Variants in OGDHL observed in about 807,000 individuals in gnomAD.
The protein encoded by OGDHL is oxoglutarate dehydrogenase L, also known as 2-oxoglutarate dehydrogenase-like, mitochondrial.
A neutral mutation model predicts 109.6 loss-of-function variants in OGDHL; 79 were observed. The observed-to-expected ratio is 0.72, with a 90% CI of 0.60 to 0.87. The LOEUF is 0.87. Ranked by LOEUF, OGDHL falls within the 40% of genes least tolerant of loss-of-function variation. OGDHL has a pLI of 0.00. For synonymous variants in OGDHL, 528 were observed against 537.2 expected, an observed-to-expected ratio of 0.98 and a Z score of 0.24; for missense variants, 1,275 against 1,362.2, an observed-to-expected ratio of 0.94 and a Z score of 1.01.
rs775251139 is a variant in OGDHL, at chr10:49,758,387, A to G, written c.204+2T>C. ...GGCCCAGGGTAGGGTGGGGATGCTG[A>G]CCTTGTGGACACTCTGGGGGTTTTC... On this transcript the variant is annotated splice_donor_variant, in intron 2 of 22. Coordinates refer to ENST00000374103, the MANE Select transcript of OGDHL (RefSeq NM_018245.3). LOFTEE classifies it high-confidence loss of function. 1 of 1,605,642 alleles carries G rather than the reference A, an allele frequency of 6.2e-7. No individual in the cohort carries two copies. The highest frequency in any genetic ancestry group is 8.5e-7 in the Non-Finnish European group (1 of 1,174,432).
chr10:49,736,656 A>C (rs1032486503), intron 20 of OGDHL, 136 bp from the exon 21 acceptor site: 1 of 872,382 alleles, frequency 1.1e-6, no homozygotes. Flanking sequence ...TGCAGTGGAC[A>C]CCTCTTGAAC....
chr10:49,744,797 C>T, intron 12 of OGDHL, 45 bp from the exon 13 acceptor site: 1 of 1,498,154 alleles, frequency 6.7e-7, no homozygotes, highest in Non-Finnish European at 9.3e-7. Context: ...AAGCCCTGCG[C>T]AGCCAGACGC....
intron 8 of OGDHL, 98 bp downstream of exon 8, chr10:49,749,628 T>C: frequency 9.5e-7 from 1 of 1,049,954 alleles, no homozygotes; most frequent in Non-Finnish European, 1.4e-6. Context: ...CATCTTAAGG[T>C]TTATCTCAGC....
At chr10:49,742,405 ACACAC>A (rs1841810179) in intron 15 of OGDHL, among the ~76,000 whole-genome samples, 1 of 139,588 alleles carries the variant, frequency 7.2e-6, no homozygotes, top group Non-Finnish European at 1.6e-5. Flanking sequence ...CACACACCAC[ACACAC>A]CATACACACA....
At chr10:49,758,129 T>G (rs77983025) in intron 2 of OGDHL, among the ~76,000 whole-genome samples, 7,875 of 152,284 alleles carry the variant, frequency 0.052, 297 homozygotes, top group African/African-American at 0.098. Context: ...GGAGGCAGCA[T>G]AGCACGACAA....
Position 49,745,885 on chromosome 10 carries a change from A to C in OGDHL, c.1389T>G (p.Asn463Lys), listed in dbSNP as rs774283024. 3 of 1,614,212 alleles carry C rather than the reference A, an allele frequency of 1.9e-6. No homozygotes were observed. Among genetic ancestry groups the C allele is most frequent in the East Asian group, 2.2e-5 (1 of 44,882 alleles). The change falls in exon 11 of 23, where the codon AAT becomes AAG. Residue 463 changes from asparagine (N) to lysine (K), a missense_variant. Asn to Lys is a moderately conservative substitution (Grantham distance 94, BLOSUM62 0). Coordinates refer to ENST00000374103, the MANE Select transcript of OGDHL (RefSeq NM_018245.3). ...RVVNAPIFHV[N>K]ADDPEAVIYV... ...ATATCACAGCCTCTGGGTCATCGGC[A>C]TTCACATGGAAGATAGGCGCATTGA... is the stretch of plus-strand genomic sequence containing the variant.
intron 3 of OGDHL, 141 bp downstream of exon 3, chr10:49,756,635 G>T: frequency 1.3e-6 from 1 of 774,518 alleles, no homozygotes; most frequent in Non-Finnish European, 1.9e-6. Context: ...CTGGCTAGAG[G>T]AGTAGGTGCC....
At chr10:49,754,018 TG>T (rs1339885583) in intron 3 of OGDHL, among the ~76,000 whole-genome samples, 4 of 152,186 alleles carry the variant, frequency 2.6e-5, no homozygotes, top group African/African-American at 9.7e-5. Context: ...AAGGCAATGT[TG>T]CCATAAGATT....
rs1287551101 is a variant in OGDHL at position 49,744,658 on chromosome 10, G to A, written c.1724C>T (p.Pro575Leu). The A allele has an allele frequency of 6.2e-7, 1 of 1,613,846 alleles. No homozygotes were observed. Residue 575 changes from proline (P) to leucine (L), a missense_variant, in exon 13 of 23, where the codon CCC (proline) becomes CTC (leucine). Pro to Leu is a moderately conservative substitution (Grantham distance 98). Transcript: ENST00000374103. The stretch of plus-strand genomic sequence containing the variant: ...ACACACTGCTCGCTCACCAGGCCAG[G>A]GGGAGTCCAACCAGTGCTTTATATG... The part of the protein sequence containing the change: ...ILHIKHWLDS[P>L]WPGFFNVDGE...
At chr10:49,740,648 A>G in intron 16 of OGDHL, 62 bp downstream of exon 16, 1 of 1,572,780 alleles carries the variant, frequency 6.4e-7, no homozygotes, top group South Asian at 1.2e-5. Context: ...GTCCCTTCCC[A>G]GCCCATCTCT....
intron 8 of OGDHL, among the ~76,000 whole-genome samples, chr10:49,748,798 G>C (rs989665055): frequency 2.7e-5 from 4 of 147,588 alleles, no homozygotes; most frequent in African/African-American, 1.0e-4. Flanking sequence ...CAGCAGGCTG[G>C]AGACAGCAGG....
In OGDHL at chr10:49,742,689, T is replaced by TC. The variant is rs1276295856; in HGVS notation, c.2012+138dup. On this transcript the variant is annotated intron_variant, in intron 15 of 22. Transcript: ENST00000374103. ...CCCTGGGGGGTCAGCGAGGTGGCCA[T>TC]CTGATGATGCCACCTGAGGGCAGGG... 1.4e-4 allele frequency: 164 copies of TC among 1,148,888 alleles called. 1 individual carries two copies. In the South Asian group the frequency reaches 2.5e-3, roughly 17 times the overall value. 71.2% of individuals were successfully genotyped at this position (1,148,888 alleles called of 1,614,324 possible).
chr10:49,745,769 C>T, intron 11 of OGDHL, 29 bp downstream of exon 11: 1 of 1,607,246 alleles, frequency 6.2e-7, no homozygotes, highest in Non-Finnish European at 8.5e-7. Context: ...GCCACCCACC[C>T]ATGCCTTGGC....
Position 49,744,656 on chromosome 10 carries a change from A to AG in OGDHL, c.1725dup (p.Trp576LeufsTer23). 1 of 1,613,754 alleles carries AG rather than the reference A, an allele frequency of 6.2e-7. No individual in the cohort carries two copies. The highest frequency in any genetic ancestry group is 8.5e-7 in the Non-Finnish European group (1 of 1,179,644). On this transcript the variant is annotated frameshift_variant, in exon 13 of 23. Coordinates refer to ENST00000374103, the MANE Select transcript of OGDHL (RefSeq NM_018245.3). LOFTEE classifies it high-confidence loss of function. ...CCACACACTGCTCGCTCACCAGGCC[A>AG]GGGGGAGTCCAACCAGTGCTTTATA...
At chr10:49,756,465 C>T (rs1821603586) in intron 3 of OGDHL, 4 of 238,556 alleles carry the variant, frequency 1.7e-5, no homozygotes, top group South Asian at 1.7e-4. Context: ...ATCTACTCAC[C>T]CCTCATTCAA....
intron 3 of OGDHL, among the ~76,000 whole-genome samples, chr10:49,753,956 A>G (rs1463190272): frequency 6.6e-6 from 1 of 152,182 alleles, no homozygotes; most frequent in Admixed American, 6.5e-5. Flanking sequence ...CTGGGAAATC[A>G]AACAAGCCAT....
In OGDHL at chr10:49,743,811, C is replaced by T. The variant is rs548913011; in HGVS notation, c.1861+183G>A. The T allele has an allele frequency of 6.7e-5, 44 of 661,428 alleles. No individual in the cohort carries two copies. In the African/African-American group the frequency reaches 6.8e-4, roughly 10 times the overall value. 41.0% of individuals were successfully genotyped at this position (661,428 alleles called of 1,614,324 possible). ...GCATCTGGAGCTGCCCAGCTCGCCA[C>T]GCCCACCCTGAAAAGAGCTACTGTC... On this transcript the variant is annotated intron_variant, in intron 14 of 22. Transcript: ENST00000374103.
Position 49,744,046 on chromosome 10 carries a change from G to GT in OGDHL, c.1808dup (p.His603GlnfsTer15). 1 of 1,614,156 alleles carries GT rather than the reference G, an allele frequency of 6.2e-7. No homozygotes were observed. Among genetic ancestry groups the GT allele is most frequent in the African/African-American group, 1.3e-5 (1 of 75,074 alleles). ...GCACAGAGCTGGCCACACTGCCGAT[G>GT]TGGGTGAGCATGTCCTCAGGGATCC... On this transcript the variant is annotated frameshift_variant, in exon 14 of 23. Coordinates refer to ENST00000374103, the MANE Select transcript of OGDHL (RefSeq NM_018245.3). LOFTEE classifies it high-confidence loss of function.
chr10:49,748,742 C>CCA (rs3223401), intron 8 of OGDHL, among the ~76,000 whole-genome samples: 46,655 of 133,368 alleles, frequency 0.35, 8,351 homozygotes, highest in East Asian at 0.64. Context: ...AGGTATGGGT[C>CCA]CACACACACA....
Sources: allele counts gnomAD v4.1 joint callset (sites outside exome capture counted in the v4.1 genomes callset), GRCh38; gene constraint gnomAD v4.1.1; transcripts MANE v1.5; gene names NCBI Gene and HGNC (gene_info 2026-07-23, HGNC 2026-07-21).